FHIP2A: variants seen among roughly 807,000 people sequenced by gnomAD.
The protein encoded by FHIP2A is family with sequence similarity 160 member B1.
Under a neutral mutation model 93.5 loss-of-function variants are expected in FHIP2A, and 46 were observed. That is an observed-to-expected ratio of 0.49 (90% confidence interval 0.39 to 0.63). The LOEUF (loss-of-function observed/expected upper bound fraction) is 0.63. Ranked by LOEUF, FHIP2A falls within the 20% of genes least tolerant of loss-of-function variation. FHIP2A has a pLI of 0.00. For missense variants in FHIP2A, 769 were observed against 909.7 expected, an observed-to-expected ratio of 0.85 and a Z score of 1.99; for synonymous variants, 332 against 326.5, an observed-to-expected ratio of 1.02 and a Z score of -0.18.
chr10:114,878,909 T>C (rs947158497), intron 16 of FHIP2A, among the ~76,000 whole-genome samples: 1 of 152,046 alleles, frequency 6.6e-6, no homozygotes, highest in Non-Finnish European at 1.5e-5. Flanking sequence ...TGTTACGAGC[T>C]ATGTGGGGAT....
intron 16 of FHIP2A, among the ~76,000 whole-genome samples, chr10:114,890,600 T>C (rs1482950584): frequency 6.8e-6 from 1 of 147,930 alleles, no homozygotes; most frequent in Non-Finnish European, 1.5e-5. Flanking sequence ...CTATGACATA[T>C]ATAGTTTATA....
At chr10:114,872,734 A>G (rs1365987513) in intron 16 of FHIP2A, among the ~76,000 whole-genome samples, 1 of 152,204 alleles carries the variant, frequency 6.6e-6, no homozygotes, top group Non-Finnish European at 1.5e-5. Context: ...ATCTCAATCA[A>G]TCACTGGTGA....
intron 16 of FHIP2A, among the ~76,000 whole-genome samples, chr10:114,894,862 T>G (rs898857434): frequency 5.9e-5 from 9 of 152,234 alleles, no homozygotes; most frequent in Admixed American, 5.2e-4. Flanking sequence ...TCTTCTACTA[T>G]CTTTTTCTTT....
At chr10:114,868,776 T>C (rs1427965968), downstream of FHIP2A, among the ~76,000 whole-genome samples, 1 of 152,178 alleles carries the variant, frequency 6.6e-6, no homozygotes, top group East Asian at 1.9e-4. Context: ...ACCCATGTTG[T>C]GATGTGCATT....
At position 114,889,765 on chromosome 10, in the gene FHIP2A, C is replaced by T. The variant is rs61204435; in HGVS notation, c.2193-9725C>T. On this transcript the variant is annotated intron_variant, in intron 16 of 16. Transcript: ENST00000369250. ...ACATTCCAGTGCCCTGGCTGAAGGG[C>T]GTGTCCTTTGGGCCCTCCAAGGGTT... Among the ~76,000 whole-genome samples the T allele has an allele frequency of 4.9e-3, 742 of 152,330 alleles. 12 individuals are homozygous for T. Among genetic ancestry groups the T allele is most frequent in the African/African-American group, 0.017 (695 of 41,574 alleles).
Position 114,863,518 on chromosome 10 carries a change from GTATGCTGCT to G in FHIP2A, c.*1980_*1988del. The G allele has an allele frequency of 8.5e-7, 1 of 1,172,998 alleles. No individual in the cohort carries two copies. Among genetic ancestry groups the G allele is most frequent in the Non-Finnish European group, 1.1e-6 (1 of 939,192 alleles). 72.7% of individuals were successfully genotyped at this position (1,172,998 alleles called of 1,614,324 possible). A position where few individuals can be genotyped will look rare whatever the true frequency, so the allele number is the denominator to read the frequency against. ...CTTTAACTCTTATATTTGTGTATAT[GTATGCTGCT>G]TCTGAAAATATAATTTTTCTAAGTT... On this transcript the variant is annotated 3_prime_UTR_variant, in exon 17 of 17. Transcript: ENST00000369248.
intron 1 of FHIP2A, 69 bp downstream of exon 1, chr10:114,822,192 G>C (rs931308189): frequency 1.5e-5 from 15 of 1,033,884 alleles, no homozygotes; most frequent in Non-Finnish European, 1.7e-5. Flanking sequence ...CGGCGGCCTC[G>C]GGGACAAGCC....
At position 114,860,909 on chromosome 10, in the gene FHIP2A, A is replaced by T; in HGVS notation, c.2088+20A>T. The T allele has an allele frequency of 6.2e-7, 1 of 1,604,268 alleles. No homozygotes were observed. The highest frequency in any genetic ancestry group is 8.5e-7 in the Non-Finnish European group (1 of 1,171,224). ...GTCAGGGTGAGTTACTAGTTCTGTT[A>T]TATTCCCTAGGATTGATAAATCTGT... On this transcript the variant is annotated intron_variant, in intron 15 of 16. Coordinates refer to ENST00000369248, the MANE Select transcript of FHIP2A (RefSeq NM_020940.4).
intron 14 of FHIP2A, 103 bp downstream of exon 14, chr10:114,855,443 C>T: frequency 9.7e-7 from 1 of 1,033,758 alleles, no homozygotes; most frequent in South Asian, 1.9e-5. Flanking sequence ...TTATTGTTTT[C>T]TTACTTTTTC....
In FHIP2A at chr10:114,845,372, A is replaced by T. The variant is rs1316081421; in HGVS notation, c.1019A>T (p.Asp340Val). 3 of 1,586,458 alleles carry T rather than the reference A, an allele frequency of 1.9e-6. No individual in the cohort carries two copies. Among genetic ancestry groups the T allele is most frequent in the Non-Finnish European group, 2.6e-6 (3 of 1,155,810 alleles). The change falls in exon 8 of 17, where the codon GAC becomes GTC. Residue 340 changes from aspartate (D) to valine (V), a missense_variant. Asp to Val is a radical substitution (Grantham distance 152, BLOSUM62 -3). Coordinates refer to ENST00000369248, the MANE Select transcript of FHIP2A (RefSeq NM_020940.4). ...AATTCTTCCTTGTCTTACAGCTTGG[A>T]CTCATATAGTCATAAAGAAGATGCT... ...ETVEAINWGL[D>V]SYSHKEDASA... is the part of the protein sequence containing the mutation.
chr10:114,856,815 C>A (rs920736998), intron 14 of FHIP2A, among the ~76,000 whole-genome samples: 3 of 152,186 alleles, frequency 2.0e-5, no homozygotes, highest in Admixed American at 1.3e-4. Context: ...TTCAGTCATT[C>A]TTCCTGTAAC....
In FHIP2A at chr10:114,822,037, TC is replaced by T; in HGVS notation, c.-40del. ...GCGGCGGCGGCGGATCGAGGAGCTC[TC>T]CAGGTCGTCCCGGGAGAGGCTGCTG... On this transcript the variant is annotated 5_prime_UTR_variant, in exon 1 of 17. Transcript: ENST00000369248. The T allele has an allele frequency of 1.6e-6, 2 of 1,250,042 alleles. No individual in the cohort carries two copies. The highest frequency in any genetic ancestry group is 1.0e-6 in the Non-Finnish European group (1 of 973,224). The allele number at this position is 1,250,042 out of a possible 1,614,324, so 77.4% of individuals were successfully genotyped here.
rs2143008697 is a variant in FHIP2A at position 114,821,822 on chromosome 10, G to C, written c.-257G>C. The C allele has an allele frequency of 9.3e-6, 2 of 215,556 alleles. No homozygotes were observed. The highest frequency in any genetic ancestry group is 1.8e-5 in the Non-Finnish European group (2 of 109,548). The allele number at this position is 215,556 out of a possible 1,614,324, so 13.4% of individuals were successfully genotyped here. ...TGTCCCAACCGGTGCCGCCGCCGGA[G>C]CTTCTCCGGGCCCCGAGTCCTCGCC... On this transcript the variant is annotated 5_prime_UTR_variant, in exon 1 of 17. Coordinates refer to ENST00000369248, the MANE Select transcript of FHIP2A (RefSeq NM_020940.4).
chr10:114,829,067 A>G (rs2083593416), intron 1 of FHIP2A, among the ~76,000 whole-genome samples: 1 of 152,224 alleles, frequency 6.6e-6, no homozygotes, highest in Non-Finnish European at 1.5e-5. Flanking sequence ...TAGAAGTGCA[A>G]GAATAACATG....
intron 16 of FHIP2A, among the ~76,000 whole-genome samples, chr10:114,892,648 T>C (rs2083981637): frequency 6.6e-6 from 1 of 151,790 alleles, no homozygotes; most frequent in African/African-American, 2.4e-5. Flanking sequence ...AAAATAATAA[T>C]AATAATAATG....
intron 5 of FHIP2A, among the ~76,000 whole-genome samples, chr10:114,841,597 A>T (rs1257859186): frequency 6.6e-6 from 1 of 152,092 alleles, no homozygotes; most frequent in African/African-American, 2.4e-5. Flanking sequence ...TATGCCATTG[A>T]TTTTGTTGGA....
chr10:114,890,532 C>T (rs1396672358), intron 16 of FHIP2A, among the ~76,000 whole-genome samples: 1 of 146,168 alleles, frequency 6.8e-6, no homozygotes, highest in Middle Eastern at 3.4e-3. Context: ...CTATATATGA[C>T]ATATATAGTA....
intron 1 of FHIP2A, among the ~76,000 whole-genome samples, chr10:114,827,714 G>T (rs1384936093): frequency 1.3e-5 from 2 of 150,126 alleles, no homozygotes; most frequent in Non-Finnish European, 3.0e-5. Flanking sequence ...GGAGAATGGT[G>T]TGAACCCGGG....
chr10:114,838,398 C>T (rs1474315237), intron 5 of FHIP2A, among the ~76,000 whole-genome samples: 5 of 151,816 alleles, frequency 3.3e-5, no homozygotes, highest in African/African-American at 1.2e-4. Context: ...GTGTGTTGTT[C>T]GTGATGTGCG....
Sources: allele counts gnomAD v4.1 joint callset (sites outside exome capture counted in the v4.1 genomes callset), GRCh38; gene constraint gnomAD v4.1.1; transcripts MANE v1.5; gene names NCBI Gene and HGNC (gene_info 2026-07-23, HGNC 2026-07-21).